The following FAH variants were observed in gnomAD, a reference collection of about 807,000 sequenced individuals.
FAH encodes fumarylacetoacetase.
A neutral mutation model predicts 55.8 loss-of-function variants in FAH; 47 were observed. The observed-to-expected ratio is 0.84, with a 90% confidence interval of 0.67 to 1.07. The LOEUF (loss-of-function observed/expected upper bound fraction) is 1.07, where lower values mean the gene tolerates loss of function less well. Ranked by LOEUF, FAH falls within the 50% of genes least tolerant of loss-of-function variation. The pLI, the probability that FAH is intolerant of heterozygous loss-of-function variation, is 0.00. For missense variants in FAH, 495 were observed against 545.9 expected, an observed-to-expected ratio of 0.91 and a Z score of 0.93; for synonymous variants, 199 against 207.7, an observed-to-expected ratio of 0.96 and a Z score of 0.36.
intron 7 of FAH, among the ~76,000 whole-genome samples, chr15:80,171,035 CT>C (rs1302112979): frequency 6.6e-6 from 1 of 151,118 alleles, no homozygotes; most frequent in Non-Finnish European, 1.5e-5. Context: ...AGGAGGCAGT[CT>C]TTTGGTTTTT....
chr15:80,186,354 C>A, downstream of FAH: 1 of 719,450 alleles, frequency 1.4e-6, no homozygotes, highest in South Asian at 1.5e-5. Flanking sequence ...GCCGCAGATG[C>A]AGCTGTGTCC....
chr15:80,174,316 C>T (rs11630172), intron 9 of FAH, among the ~76,000 whole-genome samples: 6,172 of 152,340 alleles, frequency 0.041, 186 homozygotes, highest in Middle Eastern at 0.1. Context: ...CCTTCCCCAA[C>T]ACCATTTAGG....
chr15:80,180,129 G>A lies in FAH; in HGVS notation c.966G>A (p.Met322Ile). The change falls in exon 12 of 14, where the codon ATG (methionine) becomes ATA (isoleucine). Residue 322 changes from methionine (M) to isoleucine (I), a missense_variant. Met to Ile is a conservative substitution (Grantham distance 10). Coordinates refer to ENST00000561421, the MANE Select transcript of FAH (RefSeq NM_000137.4). The part of the protein sequence containing the change: ...ATICKSNFKY[M>I]YWTMLQQLTH... ...CTCGCGTCCATTGCCTGCAGTACAT[G>A]TACTGGACGATGCTGCAGCAGCTCA... is the stretch of plus-strand genomic sequence containing the variant. 6.2e-7 allele frequency: 1 copy of A among 1,609,324 alleles called. No individual in the cohort carries two copies. Among genetic ancestry groups the A allele is most frequent in the African/African-American group, 1.3e-5 (1 of 74,946 alleles).
At chr15:80,167,990 A>T in intron 5 of FAH, 62 bp from the exon 6 acceptor site, 1 of 1,383,174 alleles carries the variant, frequency 7.2e-7, no homozygotes, top group Non-Finnish European at 1.0e-6. Flanking sequence ...TGAAGTTTTT[A>T]AAGTTAATTG....
intron 1 of FAH, among the ~76,000 whole-genome samples, chr15:80,154,936 C>T (rs1372135950): frequency 6.6e-6 from 1 of 152,152 alleles, no homozygotes; most frequent in Admixed American, 6.5e-5. Context: ...GTTAAAGTCC[C>T]CGTGGTCTGG....
At chr15:80,162,517 G>A in intron 5 of FAH, 181 bp downstream of exon 5, 1 of 672,084 alleles carries the variant, frequency 1.5e-6, no homozygotes, top group Non-Finnish European at 2.7e-6. Context: ...GCTTGGCTTA[G>A]GACTTGCTGT....
At chr15:80,160,258 G>A in intron 3 of FAH, 152 bp from the exon 4 acceptor site, 1 of 788,558 alleles carries the variant, frequency 1.3e-6, no homozygotes, top group Admixed American at 1.9e-5. Context: ...CCTCTCAGCT[G>A]TGAAAGGTTC....
At chr15:80,181,307 C>A in intron 13 of FAH, 148 bp downstream of exon 13, 1 of 652,896 alleles carries the variant, frequency 1.5e-6, no homozygotes, top group Non-Finnish European at 2.9e-6. Flanking sequence ...TTGTTCTGTC[C>A]TTCCCCACAG....
At chr15:80,171,342 T>TACAA (rs77932967) in intron 7 of FAH, among the ~76,000 whole-genome samples, 35,464 of 152,058 alleles carry the variant, frequency 0.23, 4,854 homozygotes, top group Middle Eastern at 0.33. Flanking sequence ...ATGTCCTTTG[T>TACAA]AGGGACATGG....
chr15:80,171,635 T>G (rs28465485), intron 7 of FAH, among the ~76,000 whole-genome samples: 2,530 of 152,170 alleles, frequency 0.017, 67 homozygotes, highest in African/African-American at 0.058. Flanking sequence ...TAATTTTGTT[T>G]ATTTTTTGTA....
At position 80,165,785 on chromosome 15, in the gene FAH, G is replaced by A. The variant is rs1052217940; in HGVS notation, c.456-2267G>A. 4 of 152,346 alleles carry A rather than the reference G, an allele frequency of 2.6e-5. No individual in the cohort carries two copies. The East Asian group carries it at 7.7e-4, about 29-fold the overall frequency. The allele number at this position is 152,346 out of a possible 1,614,324, so 9.4% of individuals were successfully genotyped here. A position where few individuals can be genotyped will look rare whatever the true frequency, so the allele number is the denominator to read the frequency against. On this transcript the variant is annotated intron_variant, in intron 5 of 13. Transcript: ENST00000561421. ...ATGAGGACCATGCTGGTTTCCTCTA[G>A]GGTGAGGGGCAGGAAGGGAGGGAAG...
At position 80,177,578 on chromosome 15, in the gene FAH, T is replaced by G. The variant is rs2041295289; in HGVS notation, c.955T>G (p.Phe319Val). ...GGCGGCTACCATATGCAAGTCCAAT[T>G]TTAAGGTAAGCTTTGACGCTGATCA... Reference protein sequence around the residue: ...SQAATICKSNFKYMYWTMLQQ... With the variant: ...SQAATICKSNVKYMYWTMLQQ... The change falls in exon 11 of 14, where the codon TTT becomes GTT. Residue 319 changes from phenylalanine to valine, a missense_variant. Transcript: ENST00000561421. 1 of 1,613,810 alleles carries G rather than the reference T, an allele frequency of 6.2e-7. No homozygotes were observed. Among genetic ancestry groups the G allele is most frequent in the Non-Finnish European group, 8.5e-7 (1 of 1,179,670 alleles).
chr15:80,158,280 G>A (rs1005638172), intron 2 of FAH, 110 bp downstream of exon 2: 22 of 847,848 alleles, frequency 2.6e-5, no homozygotes, highest in African/African-American at 6.6e-5. Context: ...GCCATCGAAG[G>A]TCTCAGAGGT....
Position 80,158,115 on chromosome 15 carries a change from T to C in FAH, c.137T>C (p.Ile46Thr). 4 of 1,614,204 alleles carry C rather than the reference T, an allele frequency of 2.5e-6. No individual in the cohort carries two copies. The highest frequency in any genetic ancestry group is 3.4e-6 in the Non-Finnish European group (4 of 1,180,030). Residue 46 changes from isoleucine to threonine, a missense_variant, in exon 2 of 14, where the codon ATC (isoleucine) becomes ACC (threonine). Physicochemically the swap from Ile to Thr is moderately conservative, Grantham distance 89. Coordinates refer to ENST00000561421, the MANE Select transcript of FAH (RefSeq NM_000137.4). ...GACCAGATCCTGGACCTCAGCATCA[T>C]CAAGCACCTCTTTACTGGTCCTGTC... ...IGDQILDLSIIKHLFTGPVLS... is the reference protein window; with the variant it reads ...IGDQILDLSITKHLFTGPVLS...
intron 5 of FAH, 104 bp downstream of exon 5, chr15:80,162,440 G>A (rs1567115809): frequency 9.9e-7 from 1 of 1,010,698 alleles, no homozygotes. Flanking sequence ...AGTAAACTGG[G>A]GAGGAAAAGC....
intron 2 of FAH, among the ~76,000 whole-genome samples, chr15:80,158,963 C>A (rs1291766226): frequency 1.3e-5 from 2 of 152,112 alleles, no homozygotes; most frequent in African/African-American, 2.4e-5. Flanking sequence ...AATTAAAAAA[C>A]CTCTCGGCTC....
At chr15:80,177,476 T>G in intron 10 of FAH, 61 bp from the exon 11 acceptor site, 1 of 1,431,880 alleles carries the variant, frequency 7.0e-7, no homozygotes, top group Non-Finnish European at 9.9e-7. Context: ...AATTCTTTTT[T>G]TATTTTCCTC....
chr15:80,182,856 C>T (rs982429916), intron 13 of FAH, among the ~76,000 whole-genome samples: 1 of 152,154 alleles, frequency 6.6e-6, no homozygotes, highest in African/African-American at 2.4e-5. Flanking sequence ...TGAGTGAAAG[C>T]ATTTTCTGAA....
intron 13 of FAH, 127 bp downstream of exon 13, chr15:80,181,286 T>G: frequency 1.5e-6 from 1 of 689,582 alleles, no homozygotes; most frequent in Non-Finnish European, 2.7e-6. Context: ...CCTCCCAGAG[T>G]CTCTGCCTGC....
Sources: allele counts gnomAD v4.1 joint callset (sites outside exome capture counted in the v4.1 genomes callset), GRCh38; gene constraint gnomAD v4.1.1; transcripts MANE v1.5; gene names NCBI Gene and HGNC (gene_info 2026-07-23, HGNC 2026-07-21).